The following CDH13 variants were observed in gnomAD, a reference collection of about 807,000 sequenced individuals.
CDH13 encodes the protein cadherin-13.
CDH13 carries 24 observed loss-of-function variants against 63.8 expected under a neutral mutation model. The ratio of observed to expected loss-of-function variants is 0.38; its 90% confidence interval spans 0.27 to 0.53. The LOEUF (loss-of-function observed/expected upper bound fraction) is 0.53. Ranked by LOEUF, CDH13 falls within the 20% of genes least tolerant of loss-of-function variation. The pLI is 0.85. For missense variants in CDH13, 1,049 were observed against 903.1 expected, an observed-to-expected ratio of 1.16 and a Z score of -2.07; for synonymous variants, 503 against 355.3, an observed-to-expected ratio of 1.42 and a Z score of -4.67.
At chr16:83,496,945 T>A (rs1010244546) in intron 7 of CDH13, among the ~76,000 whole-genome samples, 1 of 152,066 alleles carries the variant, frequency 6.6e-6, no homozygotes, top group Non-Finnish European at 1.5e-5. Flanking sequence ...GAAATGCAAA[T>A]CAAAACCACA....
intron 2 of CDH13, among the ~76,000 whole-genome samples, chr16:82,937,221 C>T (rs532911883): frequency 3.9e-5 from 6 of 152,202 alleles, no homozygotes; most frequent in South Asian, 2.1e-4. Context: ...TAGTACAAGC[C>T]GTGACTCATG....
intron 2 of CDH13, among the ~76,000 whole-genome samples, chr16:82,901,039 T>A (rs945580375): frequency 7.3e-5 from 11 of 151,304 alleles, no homozygotes; most frequent in Admixed American, 5.3e-4. Context: ...ATGCCCCTCA[T>A]AAGGTTGTTT....
chr16:83,250,036 C>G, intron 5 of CDH13, among the ~76,000 whole-genome samples: 1 of 152,162 alleles, frequency 6.6e-6, no homozygotes, highest in East Asian at 1.9e-4. Context: ...ACAACAGATC[C>G]TAAGTTAATG....
chr16:82,685,567 G>T (rs912420242), intron 1 of CDH13, among the ~76,000 whole-genome samples: 1 of 152,220 alleles, frequency 6.6e-6, no homozygotes, highest in Non-Finnish European at 1.5e-5. Context: ...AGAATTATTA[G>T]CTGCTAAGAA....
chr16:82,673,333 T>C (rs1031692562), intron 1 of CDH13, among the ~76,000 whole-genome samples: 7 of 152,182 alleles, frequency 4.6e-5, no homozygotes, highest in African/African-American at 1.7e-4. Context: ...AGGTTCACAC[T>C]CAGTCAAGGA....
chr16:83,401,080 C>A (rs1051085691), intron 6 of CDH13, among the ~76,000 whole-genome samples: 17 of 152,110 alleles, frequency 1.1e-4, no homozygotes, highest in Admixed American at 1.1e-3. Context: ...GTGGCTCACA[C>A]CTATAATCCC....
intron 2 of CDH13, among the ~76,000 whole-genome samples, chr16:82,998,790 C>G (rs1912532713): frequency 6.6e-6 from 1 of 151,482 alleles, no homozygotes; most frequent in African/African-American, 2.4e-5. Flanking sequence ...GTTTCACAGG[C>G]TCCCCTAAAT....
intron 4 of CDH13, among the ~76,000 whole-genome samples, chr16:83,152,839 T>C (rs1194401571): frequency 6.6e-6 from 1 of 152,134 alleles, no homozygotes; most frequent in African/African-American, 2.4e-5. Context: ...ATGATATAGA[T>C]TGGGTCTTTA....
intron 7 of CDH13, among the ~76,000 whole-genome samples, chr16:83,522,999 C>G (rs1196303982): frequency 6.6e-6 from 1 of 152,218 alleles, no homozygotes; most frequent in African/African-American, 2.4e-5. Flanking sequence ...TATGTCCTCA[C>G]CTGGCTGAAT....
At chr16:82,746,926 T>C (rs17183071) in intron 1 of CDH13, among the ~76,000 whole-genome samples, 40,818 of 152,166 alleles carry the variant, frequency 0.27, 6,146 homozygotes, top group South Asian at 0.38. Context: ...AGAGCAGCCC[T>C]GTTTCTTTCG....
intron 3 of CDH13, among the ~76,000 whole-genome samples, chr16:83,050,654 A>C (rs541545948): frequency 1.4e-4 from 21 of 151,924 alleles, no homozygotes; most frequent in Non-Finnish European, 2.6e-4. Flanking sequence ...CATGTCTCCA[A>C]ATTTATAGCT....
chr16:83,390,497 C>G (rs2091765736), intron 6 of CDH13, among the ~76,000 whole-genome samples: 1 of 150,914 alleles, frequency 6.6e-6, no homozygotes, highest in Admixed American at 6.6e-5. Context: ...GGACTTTTAA[C>G]TTGCCTAAAG....
intron 10 of CDH13, among the ~76,000 whole-genome samples, chr16:83,704,709 C>A (rs1414595030): frequency 6.6e-6 from 1 of 152,170 alleles, no homozygotes; most frequent in African/African-American, 2.4e-5. Context: ...TTGTTGAAAG[C>A]CTTCAGTGCT....
intron 7 of CDH13, among the ~76,000 whole-genome samples, chr16:83,582,931 C>G (rs1420171218): frequency 6.6e-6 from 1 of 152,162 alleles, no homozygotes; most frequent in Non-Finnish European, 1.5e-5. Flanking sequence ...TCCTAGGGAT[C>G]CTGAAACAAA....
At chr16:82,951,924 GTGTT>G (rs1017541080) in intron 2 of CDH13, among the ~76,000 whole-genome samples, 1 of 152,162 alleles carries the variant, frequency 6.6e-6, no homozygotes, top group African/African-American at 2.4e-5. Context: ...CTGCATGTGT[GTGTT>G]TGTCATTTTT....
intron 7 of CDH13, among the ~76,000 whole-genome samples, chr16:83,547,956 T>C (rs1344578334): frequency 1.3e-5 from 2 of 152,124 alleles, no homozygotes; most frequent in Non-Finnish European, 2.9e-5. Flanking sequence ...CTGGGTTCTG[T>C]AAGCTCTGCT....
intron 5 of CDH13, among the ~76,000 whole-genome samples, chr16:83,258,383 A>G (rs528579655): frequency 6.6e-6 from 1 of 152,322 alleles, no homozygotes; most frequent in South Asian, 2.1e-4. Flanking sequence ...AATGTATGCA[A>G]TAAAAATTAG....
At chr16:83,503,467 C>G (rs532257561) in intron 7 of CDH13, among the ~76,000 whole-genome samples, 3 of 152,038 alleles carry the variant, frequency 2.0e-5, no homozygotes, top group South Asian at 2.1e-4. Flanking sequence ...AGAAGGAGGC[C>G]GGAAGGGGAA....
At chr16:83,138,100 T>G (rs894348634) in intron 4 of CDH13, among the ~76,000 whole-genome samples, 3 of 151,922 alleles carry the variant, frequency 2.0e-5, no homozygotes, top group African/African-American at 7.3e-5. Flanking sequence ...CATCTGTGAG[T>G]GTTGCATTAA....
Sources: allele counts gnomAD v4.1 joint callset (sites outside exome capture counted in the v4.1 genomes callset), GRCh38; gene constraint gnomAD v4.1.1; transcripts MANE v1.5; gene names NCBI Gene and HGNC (gene_info 2026-07-23, HGNC 2026-07-21).